CTNNA3: variants seen among roughly 807,000 people sequenced by gnomAD.
The protein encoded by CTNNA3 is catenin alpha-3.
CTNNA3 carries 76 observed loss-of-function variants against 95.7 expected under a neutral mutation model. The observed-to-expected ratio is 0.79, with a 90% CI of 0.66 to 0.96. The LOEUF (loss-of-function observed/expected upper bound fraction) is 0.96, where lower values mean the gene tolerates loss of function less well. Among genes scored for constraint, CTNNA3 ranks in the 40% least tolerant of loss-of-function variants. CTNNA3 has a pLI of 0.00. For missense variants in CTNNA3, 1,191 were observed against 1,089.8 expected, an observed-to-expected ratio of 1.09 and a Z score of -1.31; for synonymous variants, 431 against 374.4, an observed-to-expected ratio of 1.15 and a Z score of -1.74.
intron 3 of CTNNA3, among the ~76,000 whole-genome samples, chr10:67,553,533 C>G (rs757495182): frequency 2.6e-5 from 4 of 152,050 alleles, no homozygotes; most frequent in Non-Finnish European, 4.4e-5. Context: ...TAATAGTAAT[C>G]TGGACATTAA....
chr10:66,698,597 GAAGT>G (rs765522567), intron 9 of CTNNA3, among the ~76,000 whole-genome samples: 3 of 152,116 alleles, frequency 2.0e-5, no homozygotes, highest in African/African-American at 4.8e-5. Context: ...AGATAATATT[GAAGT>G]AATAGAAGAA....
chr10:65,984,034 A>G lies in CTNNA3; in HGVS notation c.2265+4658T>C, dbSNP rs867419802. Among the ~76,000 whole-genome samples, 84 of 151,418 alleles carry G rather than the reference A, an allele frequency of 5.5e-4. 1 individual carries two copies. The highest frequency in any genetic ancestry group is 1.6e-3 in the African/African-American group (65 of 41,486). ...TATATGTAATAGATGATATATATAT[A>G]AACATGCATTTAAATAATTTAAATA... On this transcript the variant is annotated intron_variant, in intron 16 of 17. Coordinates refer to ENST00000433211, the MANE Select transcript of CTNNA3 (RefSeq NM_013266.4).
intron 5 of CTNNA3, among the ~76,000 whole-genome samples, chr10:67,326,322 ACT>A: frequency 6.6e-6 from 1 of 152,240 alleles, no homozygotes; most frequent in East Asian, 1.9e-4. Context: ...TTATAGTGTC[ACT>A]TGTCTGTGTA....
At chr10:66,371,971 C>G (rs2092757992) in intron 12 of CTNNA3, among the ~76,000 whole-genome samples, 1 of 152,116 alleles carries the variant, frequency 6.6e-6, no homozygotes, top group South Asian at 2.1e-4. Context: ...AATGTACCAG[C>G]TGTGTGGTCC....
chr10:67,232,418 A>T (rs11527208), intron 5 of CTNNA3, among the ~76,000 whole-genome samples: 14,243 of 152,036 alleles, frequency 0.094, 716 homozygotes, highest in East Asian at 0.14. Context: ...ACTAAGCTTC[A>T]TAAGTGAAGG....
chr10:65,924,453 G>A (rs768353093), intron 17 of CTNNA3, among the ~76,000 whole-genome samples: 7 of 152,150 alleles, frequency 4.6e-5, no homozygotes, highest in African/African-American at 9.7e-5. Flanking sequence ...ACTAGGCTGC[G>A]TGAAACTAAA....
At chr10:66,012,730 T>C (rs1424205700) in intron 15 of CTNNA3, among the ~76,000 whole-genome samples, 1 of 152,222 alleles carries the variant, frequency 6.6e-6, no homozygotes, top group African/African-American at 2.4e-5. Context: ...CCATGACTAA[T>C]AGCTGTCTAA....
At chr10:66,116,630 A>G (rs1305726289) in intron 13 of CTNNA3, among the ~76,000 whole-genome samples, 1 of 152,226 alleles carries the variant, frequency 6.6e-6, no homozygotes, top group Admixed American at 6.5e-5. Context: ...ATAAAAACAC[A>G]TACTGTATGT....
At chr10:66,443,561 A>C (rs1284413386) in intron 11 of CTNNA3, among the ~76,000 whole-genome samples, 1 of 152,160 alleles carries the variant, frequency 6.6e-6, no homozygotes, top group Non-Finnish European at 1.5e-5. Context: ...CCCAGGCAAA[A>C]AGGGTCTGGA....
At chr10:67,233,803 G>C (rs1370506857) in intron 5 of CTNNA3, among the ~76,000 whole-genome samples, 2 of 151,826 alleles carry the variant, frequency 1.3e-5, no homozygotes, top group Non-Finnish European at 2.9e-5. Flanking sequence ...GAATCAAATA[G>C]ATGCAATAAA....
chr10:66,787,089 A>G (rs1020498127), intron 7 of CTNNA3, among the ~76,000 whole-genome samples: 1 of 152,176 alleles, frequency 6.6e-6, no homozygotes, highest in Admixed American at 6.5e-5. Flanking sequence ...TGATGTGGAG[A>G]AAAAATTAAA....
At chr10:66,110,595 C>A (rs942799638) in intron 13 of CTNNA3, among the ~76,000 whole-genome samples, 1 of 152,142 alleles carries the variant, frequency 6.6e-6, no homozygotes, top group African/African-American at 2.4e-5. Context: ...CATCTTAATA[C>A]CAGAATTTAA....
chr10:67,403,414 A>C (rs1845000899), intron 5 of CTNNA3: 3 of 152,318 alleles, frequency 2.0e-5, no homozygotes, highest in African/African-American at 7.2e-5. Flanking sequence ...ATGGATCCCC[A>C]GCAACGCATG....
chr10:66,919,387 G>T (rs1251665980), intron 7 of CTNNA3, among the ~76,000 whole-genome samples: 1 of 152,086 alleles, frequency 6.6e-6, no homozygotes, highest in Non-Finnish European at 1.5e-5. Flanking sequence ...GCCTTCATAA[G>T]TCTGCCACTG....
At chr10:66,302,365 GAT>G (rs967652840) in intron 12 of CTNNA3, among the ~76,000 whole-genome samples, 3 of 152,032 alleles carry the variant, frequency 2.0e-5, no homozygotes, top group Non-Finnish European at 4.4e-5. Flanking sequence ...CAGAATACTT[GAT>G]ACAATATTGA....
intron 2 of CTNNA3, among the ~76,000 whole-genome samples, chr10:67,611,693 AT>A (rs1196448794): frequency 6.6e-6 from 1 of 151,882 alleles, no homozygotes. Context: ...TATAGTTCTG[AT>A]TTTTTTTAAT....
intron 17 of CTNNA3, among the ~76,000 whole-genome samples, chr10:65,927,263 C>A (rs1406540269): frequency 1.3e-5 from 2 of 151,992 alleles, no homozygotes; most frequent in East Asian, 1.9e-4. Context: ...GATTTCTAAC[C>A]TAAAATACTA....
At chr10:66,491,806 C>T (rs1350714706) in intron 11 of CTNNA3, among the ~76,000 whole-genome samples, 1 of 152,124 alleles carries the variant, frequency 6.6e-6, no homozygotes, top group Non-Finnish European at 1.5e-5. Flanking sequence ...TAGACTGACA[C>T]TCTTACAATA....
chr10:67,446,792 C>G lies in CTNNA3; in HGVS notation c.579+75050G>C, dbSNP rs201705242. 2.0e-5 allele frequency among the ~76,000 whole-genome samples: 3 copies of G among 152,196 alleles called. No individual in the cohort carries two copies. In the East Asian group the frequency reaches 5.8e-4, roughly 29 times the overall value. The stretch of plus-strand genomic sequence containing the variant: ...AGGATAATAGCCCAACTTAGGTAGG[C>G]ACTTTGTTCCACATTGCAAAACTAC... On this transcript the variant is annotated intron_variant, in intron 5 of 17. Coordinates refer to ENST00000433211, the MANE Select transcript of CTNNA3 (RefSeq NM_013266.4).
Sources: gnomAD v4.1 joint callset for allele counts (sites outside exome capture counted in the v4.1 genomes callset) on GRCh38, gnomAD v4.1.1 for gene constraint, MANE v1.5 for transcripts, NCBI Gene and HGNC (gene_info 2026-07-23, HGNC 2026-07-21) for gene names.